Variants in SEMA3C observed in about 807,000 individuals in gnomAD.
SEMA3C encodes semaphorin 3C.
In SEMA3C, 47 loss-of-function variants were observed where a neutral mutation model predicts 89.4. The observed-to-expected ratio is 0.53, with a 90% CI of 0.42 to 0.67. The LOEUF is 0.67. SEMA3C is among the 30% of genes least tolerant of loss of function. SEMA3C has a pLI of 0.00. For missense variants in SEMA3C, 839 were observed against 929.1 expected (o/e 0.90, Z 1.26); for synonymous variants, 310 against 320.2 (o/e 0.97, Z 0.34).
intron 2 of SEMA3C, among the ~76,000 whole-genome samples, chr7:80,907,578 A>T (rs1255216499): frequency 6.6e-6 from 1 of 151,996 alleles, no homozygotes; most frequent in Non-Finnish European, 1.5e-5. Flanking sequence ...TTTATAAACA[A>T]TCTATAAGGG....
At chr7:80,771,396 A>G (rs539947027) in intron 12 of SEMA3C, among the ~76,000 whole-genome samples, 4 of 152,232 alleles carry the variant, frequency 2.6e-5, no homozygotes, top group Non-Finnish European at 5.9e-5. Flanking sequence ...AGACTCATCA[A>G]TCCATATGAG....
At chr7:80,787,452 A>C (rs1788832278) in intron 12 of SEMA3C, among the ~76,000 whole-genome samples, 1 of 150,924 alleles carries the variant, frequency 6.6e-6, no homozygotes, top group Non-Finnish European at 1.5e-5. Flanking sequence ...GGGAATACCC[A>C]CATTCATGGG....
At chr7:80,793,958 T>C (rs907174377) in intron 11 of SEMA3C, among the ~76,000 whole-genome samples, 3 of 151,928 alleles carry the variant, frequency 2.0e-5, no homozygotes, top group Non-Finnish European at 4.4e-5. Context: ...CTATGAAATT[T>C]GTATACTGAG....
At chr7:80,754,957 G>GTTTTTTTTTTTTTTTTTTT (rs1368382376) in intron 15 of SEMA3C, among the ~76,000 whole-genome samples, 2 of 108,366 alleles carry the variant, frequency 1.8e-5, no homozygotes, top group African/African-American at 3.5e-5. Flanking sequence ...GTTTTTTTTT[G>GTTTTTTTTTTTTTTTTTTT]TTTTTTTTTT....
intron 5 of SEMA3C, among the ~76,000 whole-genome samples, chr7:80,814,765 T>C (rs1424296192): frequency 6.6e-6 from 1 of 152,160 alleles, no homozygotes; most frequent in East Asian, 1.9e-4. Flanking sequence ...TGTCAGCATT[T>C]ATATCATTTC....
rs1303210697 is a variant in SEMA3C, at chr7:80,800,826, T to C, written c.917A>G (p.Glu306Gly). The C allele has an allele frequency of 6.6e-7, 1 of 1,506,960 alleles. No homozygotes were observed. Among genetic ancestry groups the C allele is most frequent in the Admixed American group, 2.5e-5 (1 of 39,292 alleles). The allele number at this position is 1,506,960 out of a possible 1,614,324, so 93.3% of individuals were successfully genotyped here. A position where few individuals can be genotyped will look rare whatever the true frequency, so the allele number is the denominator to read the frequency against. ...ATCAGTTTCCAGCAGAAACACATCC[T>C]CTATAAAAAGGAAAATATTCTTTTA... ...DGPETHFDEL[E>G]DVFLLETDNP... Residue 306 changes from glutamate to glycine, a missense_variant and splice_region_variant, in exon 10 of 18, where the codon GAG (glutamate) becomes GGG (glycine). Physicochemically the swap from Glu to Gly is moderately conservative, Grantham distance 98. Transcript: ENST00000265361.
intron 2 of SEMA3C, among the ~76,000 whole-genome samples, chr7:80,888,213 G>C (rs1191208465): frequency 6.6e-6 from 1 of 151,836 alleles, no homozygotes; most frequent in African/African-American, 2.4e-5. Flanking sequence ...AGGAGTTGGA[G>C]ACTATCCTGG....
At chr7:80,807,888 T>G (rs1230100447) in intron 6 of SEMA3C, among the ~76,000 whole-genome samples, 1 of 152,168 alleles carries the variant, frequency 6.6e-6, no homozygotes, top group Non-Finnish European at 1.5e-5. Flanking sequence ...GGAGATAATT[T>G]GAGAGGGATA....
chr7:80,880,665 C>G (rs1168064295), intron 2 of SEMA3C, among the ~76,000 whole-genome samples: 1 of 152,208 alleles, frequency 6.6e-6, no homozygotes, highest in African/African-American at 2.4e-5. Flanking sequence ...TGGCTCACGC[C>G]TGTAATCCCA....
chr7:80,851,322 T>C lies in SEMA3C; in HGVS notation c.104-22577A>G, dbSNP rs150412511. On this transcript the variant is annotated intron_variant, in intron 2 of 17. Transcript: ENST00000265361. ...GAGATCGAGACCAGCCTGACCAACATGGTGAAACCCCATCTCTACTAAAAA... is the reference window on the plus strand; with the variant it reads ...GAGATCGAGACCAGCCTGACCAACACGGTGAAACCCCATCTCTACTAAAAA... 7.3e-3 allele frequency among the ~76,000 whole-genome samples: 1,108 copies of C among 151,806 alleles called. 18 individuals are homozygous for C. The highest frequency in any genetic ancestry group is 0.025 in the African/African-American group (1,051 of 41,380).
Position 80,750,363 on chromosome 7 carries a change from A to G in SEMA3C, c.1711+906T>C, listed in dbSNP as rs183420420. Among the ~76,000 whole-genome samples, 4 of 149,898 alleles carry G rather than the reference A, an allele frequency of 2.7e-5. No homozygotes were observed. The Admixed American group carries it at 2.7e-4, about 10-fold the overall frequency. On this transcript the variant is annotated intron_variant, in intron 16 of 17. Coordinates refer to ENST00000265361, the MANE Select transcript of SEMA3C (RefSeq NM_006379.5). ...GCAGGATTCTCACTATATCCAAAAG[A>G]TGGAAGCAAACCAAGTGGCCAGTGA...
chr7:80,909,567 A>T (rs1792095738), intron 2 of SEMA3C, among the ~76,000 whole-genome samples: 1 of 152,286 alleles, frequency 6.6e-6, no homozygotes, highest in Non-Finnish European at 1.5e-5. Flanking sequence ...GTAAGGCAAG[A>T]ATATTTAGCA....
intron 12 of SEMA3C, among the ~76,000 whole-genome samples, chr7:80,769,855 T>TCC (rs150327711): frequency 2.7e-4 from 20 of 72,908 alleles, no homozygotes; most frequent in Non-Finnish European, 3.9e-4. Flanking sequence ...CAAGACTCTG[T>TCC]CCCCCCCCCA....
At chr7:80,904,299 C>T (rs996907658) in intron 2 of SEMA3C, among the ~76,000 whole-genome samples, 2 of 152,168 alleles carry the variant, frequency 1.3e-5, no homozygotes, top group African/African-American at 4.8e-5. Context: ...CCTCAGCTCT[C>T]CAAAGTGCTG....
At chr7:80,786,583 T>C (rs1788808572) in intron 12 of SEMA3C, among the ~76,000 whole-genome samples, 1 of 152,190 alleles carries the variant, frequency 6.6e-6, no homozygotes, top group South Asian at 2.1e-4. Flanking sequence ...AAACTCTAAG[T>C]TGAATGATCT....
At chr7:80,804,980 G>GT (rs1218448881) in intron 7 of SEMA3C, among the ~76,000 whole-genome samples, 3 of 151,766 alleles carry the variant, frequency 2.0e-5, no homozygotes, top group East Asian at 1.9e-4. Context: ...TTTTGTTTTT[G>GT]TTTTTTTAAT....
chr7:80,823,351 G>A (rs996390393), intron 4 of SEMA3C, among the ~76,000 whole-genome samples: 5 of 152,098 alleles, frequency 3.3e-5, no homozygotes, highest in South Asian at 2.1e-4. Context: ...CTCCAAGGTC[G>A]AAGAGCTAAT....
In SEMA3C at chr7:80,744,378, T is replaced by C. The variant is rs972490186; in HGVS notation, c.*516A>G. ...ATAAAAACTCATCATTTTCTCTTTA[T>C]GAATAACTCATGTTTTTATACAACT... On this transcript the variant is annotated 3_prime_UTR_variant, in exon 18 of 18. Coordinates refer to ENST00000265361, the MANE Select transcript of SEMA3C (RefSeq NM_006379.5). The C allele has an allele frequency of 1.3e-5, 2 of 153,378 alleles. No homozygotes were observed. Among genetic ancestry groups the C allele is most frequent in the Admixed American group, 6.5e-5 (1 of 15,354 alleles). The allele number at this position is 153,378 out of a possible 1,614,324, so 9.5% of individuals were successfully genotyped here.
intron 4 of SEMA3C, among the ~76,000 whole-genome samples, chr7:80,824,783 G>A (rs1789833187): frequency 6.6e-6 from 1 of 152,062 alleles, no homozygotes. Flanking sequence ...TAGTAATGCA[G>A]TTATTTTATC....
Sources: allele counts gnomAD v4.1 joint callset (sites outside exome capture counted in the v4.1 genomes callset), GRCh38; gene constraint gnomAD v4.1.1; transcripts MANE v1.5; gene names NCBI Gene and HGNC (gene_info 2026-07-23, HGNC 2026-07-21).